The following NEDD4L variants were observed in gnomAD, a reference collection of about 807,000 sequenced individuals.
NEDD4L encodes E3 ubiquitin-protein ligase NEDD4-like.
In NEDD4L, 54 loss-of-function variants were observed where a neutral mutation model predicts 148.9. That is an observed-to-expected ratio of 0.36 (90% CI 0.29 to 0.45). The LOEUF (loss-of-function observed/expected upper bound fraction) is 0.45, where lower values mean the gene tolerates loss of function less well. Ranked by LOEUF, NEDD4L falls within the 20% of genes least tolerant of loss-of-function variation. The pLI is 1.00. For synonymous variants in NEDD4L, 433 were observed against 440.7 expected (o/e 0.98, Z 0.22); for missense variants, 856 against 1,233.8 (o/e 0.69, Z 4.59).
intron 1 of NEDD4L, among the ~76,000 whole-genome samples, chr18:58,123,532 G>A (rs536044681): frequency 2.9e-4 from 44 of 152,104 alleles, no homozygotes; most frequent in African/African-American, 9.2e-4. Context: ...CCCCCGCCCC[G>A]GTTGGACACC....
At chr18:58,065,250 G>GT (rs999147630) in intron 1 of NEDD4L, among the ~76,000 whole-genome samples, 96 of 152,230 alleles carry the variant, frequency 6.3e-4, no homozygotes, top group Admixed American at 2.1e-3. Context: ...CTTTAGCAAC[G>GT]TTTTTTTCAT....
chr18:58,147,952 A>G (rs4149591), intron 1 of NEDD4L, among the ~76,000 whole-genome samples: 2 of 151,864 alleles, frequency 1.3e-5, no homozygotes, highest in Non-Finnish European at 2.9e-5. Flanking sequence ...CTGCAATGCA[A>G]TGCAGAAGGG....
intron 18 of NEDD4L, among the ~76,000 whole-genome samples, chr18:58,354,056 G>A (rs1435358458): frequency 1.3e-5 from 2 of 152,182 alleles, no homozygotes; most frequent in East Asian, 1.9e-4. Context: ...CAAGAGCAAC[G>A]AATGATCGAG....
At chr18:58,072,870 G>GCACACACACA (rs761077798) in intron 1 of NEDD4L, among the ~76,000 whole-genome samples, 2 of 106,450 alleles carry the variant, frequency 1.9e-5, no homozygotes, top group Non-Finnish European at 2.0e-5. Flanking sequence ...GCGCGCGCGC[G>GCACACACACA]CGCACACACA....
chr18:58,251,642 A>G (rs991524827), intron 4 of NEDD4L, among the ~76,000 whole-genome samples: 1 of 152,190 alleles, frequency 6.6e-6, no homozygotes, highest in Non-Finnish European at 1.5e-5. Flanking sequence ...TATTACTGCT[A>G]TCAGGACTAA....
intron 2 of NEDD4L, among the ~76,000 whole-genome samples, chr18:58,174,555 G>T (rs1322363271): frequency 6.6e-6 from 1 of 152,090 alleles, no homozygotes; most frequent in Non-Finnish European, 1.5e-5. Flanking sequence ...ACATTCCATC[G>T]TGTCCTGGTG....
chr18:58,164,233 A>G (rs1216193559), intron 1 of NEDD4L, among the ~76,000 whole-genome samples: 1 of 150,810 alleles, frequency 6.6e-6, no homozygotes, highest in Admixed American at 6.6e-5. Flanking sequence ...CATCCCGCAC[A>G]CCCCCACAGA....
intron 2 of NEDD4L, among the ~76,000 whole-genome samples, chr18:58,207,317 A>AT (rs34381915): frequency 0.53 from 77,815 of 147,638 alleles, 21,757 homozygotes; most frequent in Non-Finnish European, 0.64. Flanking sequence ...TATTTTAGAG[A>AT]TTTTTTTTTT....
intron 1 of NEDD4L, among the ~76,000 whole-genome samples, chr18:58,152,631 C>A (rs1049409122): frequency 2.0e-5 from 3 of 152,220 alleles, no homozygotes; most frequent in African/African-American, 7.2e-5. Flanking sequence ...TGGGTGCTTA[C>A]AAACATAGAT....
At chr18:58,245,586 C>A (rs879091626) in intron 3 of NEDD4L, 78 bp downstream of exon 3, 1 of 720,832 alleles carries the variant, frequency 1.4e-6, no homozygotes, top group Non-Finnish European at 2.3e-6. Context: ...CTGCTTAACA[C>A]CTTTTTGGTC....
At chr18:58,393,856 G>T (rs1452610095) in intron 30 of NEDD4L, among the ~76,000 whole-genome samples, 1 of 152,176 alleles carries the variant, frequency 6.6e-6, no homozygotes, top group Admixed American at 6.5e-5. Context: ...TGTGATGAGG[G>T]TACCTTTCAT....
At chr18:58,257,237 C>T (rs943500537) in intron 5 of NEDD4L, among the ~76,000 whole-genome samples, 1 of 152,110 alleles carries the variant, frequency 6.6e-6, no homozygotes, top group African/African-American at 2.4e-5. Context: ...AGTTTCGTCT[C>T]TTAATAGTTA....
At chr18:58,121,965 T>C (rs1434968380) in intron 1 of NEDD4L, among the ~76,000 whole-genome samples, 1 of 152,242 alleles carries the variant, frequency 6.6e-6, no homozygotes, top group Non-Finnish European at 1.5e-5. Flanking sequence ...TATAGTATTG[T>C]TTCATTTAAA....
chr18:58,275,217 A>G (rs1286104203), intron 5 of NEDD4L, among the ~76,000 whole-genome samples: 2 of 152,232 alleles, frequency 1.3e-5, no homozygotes, highest in African/African-American at 2.4e-5. Flanking sequence ...GTTAAAAATC[A>G]TAAGAGAAAA....
intron 1 of NEDD4L, 149 bp downstream of exon 1, chr18:58,044,857 G>T: frequency 2.1e-6 from 2 of 934,806 alleles, no homozygotes; most frequent in Non-Finnish European, 3.0e-6. Flanking sequence ...GCGGGATCCA[G>T]GGGAGCTTGG....
chr18:58,044,826 C>T, intron 1 of NEDD4L, 118 bp downstream of exon 1: 2 of 1,306,022 alleles, frequency 1.5e-6, no homozygotes, highest in Non-Finnish European at 2.0e-6. Context: ...CAGGGGAGCC[C>T]CAAAGCGGGA....
intron 1 of NEDD4L, among the ~76,000 whole-genome samples, chr18:58,085,065 T>G (rs973315340): frequency 2.0e-5 from 3 of 152,126 alleles, no homozygotes; most frequent in African/African-American, 7.2e-5. Flanking sequence ...TCAGCTCTAC[T>G]GGATTAGAGC....
intron 2 of NEDD4L, among the ~76,000 whole-genome samples, chr18:58,195,955 A>G (rs1454383535): frequency 3.3e-5 from 5 of 152,224 alleles, no homozygotes; most frequent in African/African-American, 1.2e-4. Flanking sequence ...TTATTTATGT[A>G]TTTAACCTGT....
chr18:58,396,017 T>C (rs1181811435), intron 30 of NEDD4L, 150 bp from the exon 31 acceptor site: 15 of 552,766 alleles, frequency 2.7e-5, no homozygotes, highest in African/African-American at 1.9e-5. Context: ...GGATGTTTCA[T>C]AGCTAGAGGT....
Sources: allele counts gnomAD v4.1 joint callset (sites outside exome capture counted in the v4.1 genomes callset), GRCh38; gene constraint gnomAD v4.1.1; transcripts MANE v1.5; gene names NCBI Gene and HGNC (gene_info 2026-07-23, HGNC 2026-07-21).